Variants in ZBTB14 observed in about 807,000 individuals in gnomAD.
The protein encoded by ZBTB14 is zinc finger and BTB domain-containing protein 14.
A neutral mutation model predicts 29.5 loss-of-function variants in ZBTB14; 8 were observed. The observed-to-expected ratio is 0.27, with a 90% CI of 0.16 to 0.49. The LOEUF (loss-of-function observed/expected upper bound fraction) is 0.49. ZBTB14 is among the 20% of genes least tolerant of loss of function. The pLI is 0.99. For synonymous variants in ZBTB14, 226 were observed against 207.2 expected (o/e 1.09, Z -0.78); for missense variants, 333 against 563.8 (o/e 0.59, Z 4.15).
intron 1 of ZBTB14, among the ~76,000 whole-genome samples, 200 bp downstream of exon 1, chr18:5,295,452 G>A (rs1172357390): frequency 6.9e-6 from 1 of 145,152 alleles, no homozygotes; most frequent in African/African-American, 2.5e-5. Flanking sequence ...CGCTGGGTTC[G>A]GGCCGTCCCC....
intron 1 of ZBTB14, among the ~76,000 whole-genome samples, chr18:5,295,338 G>C (rs1444986587): frequency 6.9e-6 from 1 of 144,516 alleles, no homozygotes; most frequent in Non-Finnish European, 1.5e-5. Context: ...GGGCGCACCC[G>C]GGAGTGCGTG....
chr18:5,296,231 G>GCGCGCA (rs1308363341), upstream of ZBTB14: 1 of 149,858 alleles, frequency 6.7e-6, no homozygotes, highest in African/African-American at 2.5e-5. Context: ...CTGCGCACGC[G>GCGCGCA]CGCGCACGCG....
intron 3 of ZBTB14, among the ~76,000 whole-genome samples, chr18:5,292,713 T>C (rs528271206): frequency 1.8e-3 from 270 of 152,316 alleles, no homozygotes; most frequent in African/African-American, 6.3e-3. Flanking sequence ...TTCCATCTAC[T>C]CTATGGAGGA....
intron 1 of ZBTB14, 21 bp downstream of exon 1, chr18:5,295,631 C>A: frequency 6.8e-6 from 1 of 146,624 alleles, no homozygotes; most frequent in South Asian, 2.1e-4. Flanking sequence ...AACCCTGGCC[C>A]ACGCCCGTCC....
At position 5,291,814 on chromosome 18, in the gene ZBTB14, T is replaced by C. The variant is rs1175773551; in HGVS notation, c.394A>G (p.Ser132Gly). The C allele has an allele frequency of 6.2e-7, 1 of 1,614,054 alleles. No individual in the cohort carries two copies. Among genetic ancestry groups the C allele is most frequent in the Non-Finnish European group, 8.5e-7 (1 of 1,179,960 alleles). ...KLCSQKRDVSSPDENNGQSKS... is the reference protein window; with the variant it reads ...KLCSQKRDVSGPDENNGQSKS... ...GACTGACCATTGTTTTCATCGGGAC[T>C]GGACACATCACGCTTCTGAGAACAC... Residue 132 changes from serine to glycine, a missense_variant, in exon 4 of 4, where the codon AGT (serine) becomes GGT (glycine). Coordinates refer to ENST00000651870, the MANE Select transcript of ZBTB14 (RefSeq NM_001243702.2). This position sits in a 1 kb window ranked among gnomAD's most constrained non-coding sequence, Gnocchi z 5.8.
At chr18:5,297,016 A>T (rs1239063841), upstream of ZBTB14, 1 of 151,950 alleles carries the variant, frequency 6.6e-6, no homozygotes, top group Non-Finnish European at 1.5e-5. Context: ...GCTCACCGAG[A>T]TGCAGGAGGC....
chr18:5,294,441 GC>G (rs1296985064), intron 1 of ZBTB14, among the ~76,000 whole-genome samples: 1 of 152,128 alleles, frequency 6.6e-6, no homozygotes, highest in African/African-American at 2.4e-5. Context: ...CCTTAGACTA[GC>G]TATGACAACA....
Position 5,290,217 on chromosome 18 carries a change from G to C in ZBTB14, c.*641C>G, listed in dbSNP as rs1053187601. 6.6e-6 allele frequency: 1 copy of C among 152,132 alleles called. No homozygotes were observed. The highest frequency in any genetic ancestry group is 2.4e-5 in the African/African-American group (1 of 41,402). The allele number at this position is 152,132 out of a possible 1,614,324, so 9.4% of individuals were successfully genotyped here. A position where few individuals can be genotyped will look rare whatever the true frequency, so the allele number is the denominator to read the frequency against. On this transcript the variant is annotated 3_prime_UTR_variant, in exon 4 of 4. Coordinates refer to ENST00000651870, the MANE Select transcript of ZBTB14 (RefSeq NM_001243702.2). ...TTTAGGATGTGTGACTACAGCTTTTGGGTAGGTACAGGGCAATCAAGATTG... is the reference window on the plus strand; with the variant it reads ...TTTAGGATGTGTGACTACAGCTTTTCGGTAGGTACAGGGCAATCAAGATTG...
intron 1 of ZBTB14, chr18:5,294,829 C>T (rs1445759892): frequency 1.3e-5 from 2 of 152,194 alleles, no homozygotes; most frequent in Non-Finnish European, 2.9e-5. Flanking sequence ...CTCCCCTGCC[C>T]CGGGCAGCCC....
Position 5,291,743 on chromosome 18 carries a change from A to T in ZBTB14, c.465T>A (p.Ala155=). 1 of 1,614,100 alleles carries T rather than the reference A, an allele frequency of 6.2e-7. No individual in the cohort carries two copies. Among genetic ancestry groups the T allele is most frequent in the East Asian group, 2.2e-5 (1 of 44,878 alleles). Residue 155 remains alanine (A), a synonymous_variant, in exon 4 of 4, where the codon GCT becomes GCA. Transcript: ENST00000651870. The surrounding 1 kb of genome is among the most constrained non-coding windows in gnomAD (Gnocchi z 5.8). Reference sequence around the variant, plus strand: ...CTACATCATCATCCTGGGTGTCAGCAGCATCTCCAATGGGGCGATTTATTT... The same window carrying T: ...CTACATCATCATCCTGGGTGTCAGCTGCATCTCCAATGGGGCGATTTATTT... ...CLKINRPIGD[A]ADTQDDDVEE...
intron 1 of ZBTB14, among the ~76,000 whole-genome samples, chr18:5,295,295 G>T (rs1169737924): frequency 6.9e-6 from 1 of 144,476 alleles, no homozygotes; most frequent in African/African-American, 2.5e-5. Flanking sequence ...CCGGGGGCGG[G>T]GGCGGCGCGC....
In ZBTB14 at chr18:5,290,643, A is replaced by G. The variant is rs542074336; in HGVS notation, c.*215T>C. Reference sequence around the variant, plus strand: ...GTGCTTACTGGGCAACATTAATACTAGACACCAGACAAGACAGTGAAACGG... The same window carrying G: ...GTGCTTACTGGGCAACATTAATACTGGACACCAGACAAGACAGTGAAACGG... On this transcript the variant is annotated 3_prime_UTR_variant, in exon 4 of 4. Transcript: ENST00000651870. The G allele has an allele frequency of 2.6e-5, 16 of 622,068 alleles. No homozygotes were observed. Among genetic ancestry groups the G allele is most frequent in the Non-Finnish European group, 3.9e-5 (15 of 381,088 alleles). 38.5% of individuals were successfully genotyped at this position (622,068 alleles called of 1,614,324 possible).
rs1237958052 is a variant in ZBTB14 at position 5,291,363 on chromosome 18, C to A, written c.845G>T (p.Cys282Phe). 2 of 1,614,136 alleles carry A rather than the reference C, an allele frequency of 1.2e-6. No individual in the cohort carries two copies. ...GCCTTCATCAGAAAACGTCTTCCCA[C>A]ACGCCTGGCAGGCAATCTGCTCCCG... Reference protein sequence around the residue: ...HHREQIACQACGKTFSDEGRL... With the variant: ...HHREQIACQAFGKTFSDEGRL... Residue 282 changes from cysteine (C) to phenylalanine (F), a missense_variant, in exon 4 of 4, where the codon TGT becomes TTT. Cys to Phe is a radical substitution (Grantham distance 205, BLOSUM62 -2). Transcript: ENST00000651870. This position sits in a 1 kb window ranked among gnomAD's most constrained non-coding sequence, Gnocchi z 5.8.
rs1052975307 is a variant in ZBTB14 at position 5,289,392 on chromosome 18, C to T, written c.*1466G>A. 2 of 152,036 alleles carry T rather than the reference C, an allele frequency of 1.3e-5. No individual in the cohort carries two copies. Among genetic ancestry groups the T allele is most frequent in the Non-Finnish European group, 2.9e-5 (2 of 67,982 alleles). The allele number at this position is 152,036 out of a possible 1,614,324, so 9.4% of individuals were successfully genotyped here. ...TGCAACAAGCTATGAAGTGAAATTA[C>T]TTTAATTTTTTTAAAAGAAATCCTA... On this transcript the variant is annotated 3_prime_UTR_variant, in exon 4 of 4. Transcript: ENST00000651870.
At chr18:5,292,656 G>A (rs542592240) in intron 3 of ZBTB14, among the ~76,000 whole-genome samples, 58 of 152,308 alleles carry the variant, frequency 3.8e-4, no homozygotes, top group Non-Finnish European at 6.8e-4. Context: ...TTAAGAAACA[G>A]GTTCAAGGGA....
At chr18:5,293,874 GTTTTT>G (rs1011852305) in intron 2 of ZBTB14, 93 bp downstream of exon 2, 4 of 152,166 alleles carry the variant, frequency 2.6e-5, no homozygotes, top group African/African-American at 9.7e-5. Context: ...ATACACGTTT[GTTTTT>G]AAGATTGTAT....
At chr18:5,293,176 G>T in intron 3 of ZBTB14, 68 bp downstream of exon 3, 1 of 1,530,624 alleles carries the variant, frequency 6.5e-7, no homozygotes. Flanking sequence ...AATCAGAATT[G>T]GTATATATAT....
rs1004008681 is a variant in ZBTB14, at chr18:5,290,519, G to C, written c.*339C>G. 1 of 247,616 alleles carries C rather than the reference G, an allele frequency of 4.0e-6. No homozygotes were observed. The highest frequency in any genetic ancestry group is 7.8e-6 in the Non-Finnish European group (1 of 128,316). 15.3% of individuals were successfully genotyped at this position (247,616 alleles called of 1,614,324 possible). ...TTACTCTGTGCAGGGCACTTGCTAG[G>C]GTGGTGAGTGTAAAGGAACTAAAAA... On this transcript the variant is annotated 3_prime_UTR_variant, in exon 4 of 4. Coordinates refer to ENST00000651870, the MANE Select transcript of ZBTB14 (RefSeq NM_001243702.2).
In ZBTB14 at chr18:5,291,660, G is replaced by A. The variant is rs758310921; in HGVS notation, c.548C>T (p.Pro183Leu). The change falls in exon 4 of 4, where the codon CCG becomes CTG. Residue 183 changes from proline to leucine, a missense_variant. By Grantham distance (98) the Pro-to-Leu change is moderately conservative (BLOSUM62 -3). Transcript: ENST00000651870. The surrounding 1 kb of genome is among the most constrained non-coding windows in gnomAD (Gnocchi z 5.8). ...GGGCGACTTGCCGTCCTCCTGACTC[G>A]GGGGTGTGCCTTCTACTGTGTCATC... The part of the protein sequence containing the change: ...PSDDTVEGTP[P>L]SQEDGKSPTT... 20 of 1,613,886 alleles carry A rather than the reference G, an allele frequency of 1.2e-5. No individual in the cohort carries two copies. The Middle Eastern group carries it at 4.9e-4, about 40-fold the overall frequency.
Sources: allele counts gnomAD v4.1 joint callset (sites outside exome capture counted in the v4.1 genomes callset), GRCh38; gene constraint gnomAD v4.1.1; non-coding constraint Gnocchi (gnomAD v3.1); transcripts MANE v1.5; gene names NCBI Gene and HGNC (gene_info 2026-07-23, HGNC 2026-07-21).